The following PPP1R1C variants were observed in gnomAD, a reference collection of about 807,000 sequenced individuals.
The protein encoded by PPP1R1C is protein phosphatase 1 regulatory inhibitor subunit 1C.
Under a neutral mutation model 17.4 loss-of-function variants are expected in PPP1R1C, and 15 were observed. That is an observed-to-expected ratio of 0.86 (90% CI 0.58 to 1.33). The LOEUF is 1.33. PPP1R1C is among the 40% of genes most tolerant of loss of function. The probability of loss-of-function intolerance (pLI) is 0.00; values close to 1 mark genes in which losing one functional copy is unlikely to be tolerated. For missense variants in PPP1R1C, 143 were observed against 130.0 expected (o/e 1.10, Z -0.48); for synonymous variants, 35 against 43.1 (o/e 0.81, Z 0.73).
At chr2:181,983,116 C>G (rs1193724353), upstream of PPP1R1C, among the ~76,000 whole-genome samples, 2 of 152,092 alleles carry the variant, frequency 1.3e-5, no homozygotes, top group African/African-American at 2.4e-5. Context: ...AGATCTTTTA[C>G]CATGGAATTG....
At chr2:182,032,933 G>A (rs929449719) in intron 2 of PPP1R1C, among the ~76,000 whole-genome samples, 14 of 152,086 alleles carry the variant, frequency 9.2e-5, no homozygotes, top group African/African-American at 3.1e-4. Flanking sequence ...GCCCTTCAGA[G>A]ACAAACTTCT....
intron 4 of PPP1R1C, among the ~76,000 whole-genome samples, chr2:182,073,524 T>C (rs1182156653): frequency 1.3e-5 from 2 of 152,364 alleles, no homozygotes; most frequent in Non-Finnish European, 2.9e-5. Context: ...GATAAGCTAA[T>C]ACAGTCCCTG....
intron 1 of PPP1R1C, among the ~76,000 whole-genome samples, chr2:181,968,021 C>T (rs916906123): frequency 4.6e-5 from 7 of 152,138 alleles, no homozygotes; most frequent in Non-Finnish European, 8.8e-5. Context: ...GGCCTGTTAT[C>T]GATTTCTAGT....
exon 6 of PPP1R1C, chr2:182,129,745 G>T (rs1424363872): frequency 6.6e-6 from 1 of 152,062 alleles, no homozygotes; most frequent in Non-Finnish European, 1.5e-5. Context: ...TGTTTGAGTT[G>T]TGATAGATTT....
intron 1 of PPP1R1C, among the ~76,000 whole-genome samples, chr2:181,963,863 G>A (rs1684854170): frequency 6.6e-6 from 1 of 151,506 alleles, no homozygotes; most frequent in African/African-American, 2.4e-5. Context: ...TATGAGGTAC[G>A]TAAGATATTT....
chr2:182,113,523 C>A (rs1356806087), intron 4 of PPP1R1C, among the ~76,000 whole-genome samples: 3 of 152,128 alleles, frequency 2.0e-5, no homozygotes, highest in African/African-American at 7.2e-5. Context: ...GGTTAGAGAG[C>A]AATTCCCTTT....
chr2:181,965,563 C>T (rs977266592), intron 1 of PPP1R1C, among the ~76,000 whole-genome samples: 18 of 152,086 alleles, frequency 1.2e-4, no homozygotes, highest in Admixed American at 1.1e-3. Flanking sequence ...CTGTCTTTTC[C>T]TCAATGTATG....
chr2:182,101,074 T>G (rs1386960191), intron 4 of PPP1R1C, among the ~76,000 whole-genome samples: 2 of 152,096 alleles, frequency 1.3e-5, no homozygotes, highest in Non-Finnish European at 2.9e-5. Flanking sequence ...AAAGAACAAA[T>G]TAGGAATATC....
chr2:182,041,356 C>A (rs1476975812), intron 2 of PPP1R1C, among the ~76,000 whole-genome samples: 1 of 152,260 alleles, frequency 6.6e-6, no homozygotes, highest in East Asian at 1.9e-4. Flanking sequence ...CGCCTGTAAT[C>A]CCAGCATTTT....
At chr2:182,087,873 TA>T in intron 4 of PPP1R1C, among the ~76,000 whole-genome samples, 1 of 152,314 alleles carries the variant, frequency 6.6e-6, no homozygotes, top group South Asian at 2.1e-4. Flanking sequence ...CTTTATAAGC[TA>T]CACAAAGGTA....
At chr2:182,025,202 T>A (rs917057451) in intron 2 of PPP1R1C, among the ~76,000 whole-genome samples, 8 of 148,224 alleles carry the variant, frequency 5.4e-5, no homozygotes, top group African/African-American at 1.7e-4. Context: ...TATTATTATT[T>A]ATTTATTTAT....
At chr2:182,012,809 CATCTT>C (rs1384295904) in intron 2 of PPP1R1C, among the ~76,000 whole-genome samples, 1 of 152,002 alleles carries the variant, frequency 6.6e-6, no homozygotes, top group African/African-American at 2.4e-5. Flanking sequence ...TTGCCAATAA[CATCTT>C]ATAAGACATT....
chr2:182,053,337 C>T (rs1687582662), intron 2 of PPP1R1C, among the ~76,000 whole-genome samples: 1 of 152,038 alleles, frequency 6.6e-6, no homozygotes, highest in African/African-American at 2.4e-5. Context: ...TTTTTAAACA[C>T]TTTGGAATGT....
intron 5 of PPP1R1C, among the ~76,000 whole-genome samples, chr2:182,125,495 C>G (rs1444748305): frequency 6.6e-6 from 1 of 152,078 alleles, no homozygotes; most frequent in African/African-American, 2.4e-5. Flanking sequence ...CTTTGTACCT[C>G]TGGTAGAATT....
In PPP1R1C at chr2:182,117,304, C is replaced by A. The variant is rs754269357; in HGVS notation, c.*9C>A. The A allele has an allele frequency of 1.3e-5, 20 of 1,534,844 alleles. No homozygotes were observed. The Admixed American group carries it at 3.9e-4, about 30-fold the overall frequency. ...AGCAGCGGGACCATTAATTACTGGT[C>A]TGCAGCAAGAAGGCTTCTTGGAAAT... is the stretch of plus-strand genomic sequence containing the variant. On this transcript the variant is annotated 3_prime_UTR_variant, in exon 5 of 5. Coordinates refer to ENST00000682840, the MANE Select transcript of PPP1R1C (RefSeq NM_001080545.3).
At chr2:181,978,795 G>A (rs781704561) in intron 2 of PPP1R1C, among the ~76,000 whole-genome samples, 2 of 152,110 alleles carry the variant, frequency 1.3e-5, no homozygotes, top group Non-Finnish European at 2.9e-5. Context: ...AACTCTTGGT[G>A]GGAGAATAGT....
intron 2 of PPP1R1C, among the ~76,000 whole-genome samples, chr2:182,035,023 C>T (rs1434933255): frequency 1.3e-5 from 2 of 152,118 alleles, no homozygotes; most frequent in Non-Finnish European, 2.9e-5. Context: ...CTTTTTATTC[C>T]CAATACCTAG....
intron 2 of PPP1R1C, among the ~76,000 whole-genome samples, chr2:182,010,440 T>C (rs1420775485): frequency 6.6e-6 from 1 of 152,090 alleles, no homozygotes; most frequent in African/African-American, 2.4e-5. Context: ...TGTTGCCATA[T>C]AGAAATGCTA....
At chr2:182,040,567 A>G (rs1378697322) in intron 2 of PPP1R1C, among the ~76,000 whole-genome samples, 1 of 152,000 alleles carries the variant, frequency 6.6e-6, no homozygotes, top group African/African-American at 2.4e-5. Flanking sequence ...CCTTTGTTGG[A>G]TGCATAGTTT....
Sources: gnomAD v4.1 joint callset for allele counts (sites outside exome capture counted in the v4.1 genomes callset) on GRCh38, gnomAD v4.1.1 for gene constraint, MANE v1.5 for transcripts, NCBI Gene and HGNC (gene_info 2026-07-23, HGNC 2026-07-21) for gene names.